ACVR2A: variants seen among roughly 807,000 people sequenced by gnomAD.
ACVR2A encodes the protein activin A receptor type 2A.
In ACVR2A, 7 loss-of-function variants were observed where a neutral mutation model predicts 61.4. That is an observed-to-expected ratio of 0.11 (90% CI 0.06 to 0.21). ACVR2A has a LOEUF of 0.21. Among genes scored for constraint, ACVR2A ranks in the 10% least tolerant of loss-of-function variants. ACVR2A has a pLI of 1.00. For synonymous variants in ACVR2A, 193 were observed against 208.3 expected (o/e 0.93, Z 0.63); for missense variants, 322 against 621.7 (o/e 0.52, Z 5.13).
chr2:147,925,001 CT>C (rs1687469084), intron 9 of ACVR2A, among the ~76,000 whole-genome samples: 1 of 151,954 alleles, frequency 6.6e-6, no homozygotes, highest in Non-Finnish European at 1.5e-5. Context: ...TAGATGACCC[CT>C]TTATGATTCA....
intron 1 of ACVR2A, among the ~76,000 whole-genome samples, chr2:147,865,015 T>G (rs1573918365): frequency 6.7e-6 from 1 of 149,570 alleles, no homozygotes; most frequent in South Asian, 2.1e-4. Flanking sequence ...CCAAGTGACT[T>G]TTTTTTTTTG....
In ACVR2A at chr2:147,928,555, A is replaced by G. The variant is rs891391137; in HGVS notation, c.*1281A>G. On this transcript the variant is annotated 3_prime_UTR_variant, in exon 11 of 11. Coordinates refer to ENST00000241416, the MANE Select transcript of ACVR2A (RefSeq NM_001616.5). ...AGATGTTACTGCTTTAAAACAAATC[A>G]GGGATAACAAATTAAACGTATAACT... 1 of 152,404 alleles carries G rather than the reference A, an allele frequency of 6.6e-6. No individual in the cohort carries two copies. Among genetic ancestry groups the G allele is most frequent in the African/African-American group, 2.4e-5 (1 of 41,504 alleles). The allele number at this position is 152,404 out of a possible 1,614,324, so 9.4% of individuals were successfully genotyped here. A position where few individuals can be genotyped will look rare whatever the true frequency, so the allele number is the denominator to read the frequency against.
At chr2:147,853,392 G>A (rs980375485) in intron 1 of ACVR2A, among the ~76,000 whole-genome samples, 1 of 151,980 alleles carries the variant, frequency 6.6e-6, no homozygotes, top group Non-Finnish European at 1.5e-5. Context: ...TACTCATACT[G>A]GTCATCCAGA....
At chr2:147,870,904 TTTAA>T (rs146895772) in intron 1 of ACVR2A, among the ~76,000 whole-genome samples, 5,142 of 152,254 alleles carry the variant, frequency 0.034, 117 homozygotes, top group Middle Eastern at 0.088. Flanking sequence ...TGAAGCCTTT[TTTAA>T]TTAATCTTTT....
Position 147,930,192 on chromosome 2 carries a change from G to A in ACVR2A, c.*2918G>A, listed in dbSNP as rs1014450936. On this transcript the variant is annotated 3_prime_UTR_variant, in exon 11 of 11. Coordinates refer to ENST00000241416, the MANE Select transcript of ACVR2A (RefSeq NM_001616.5). ...ATCAGGAAAAAACCCAACACCTTTGGAATTTAAAATAGAATCATATCATGA... is the reference window on the plus strand; with the variant it reads ...ATCAGGAAAAAACCCAACACCTTTGAAATTTAAAATAGAATCATATCATGA... The A allele has an allele frequency of 1.3e-5, 2 of 152,188 alleles. No individual in the cohort carries two copies. The highest frequency in any genetic ancestry group is 4.8e-5 in the African/African-American group (2 of 41,318). The allele number at this position is 152,188 out of a possible 1,614,324, so 9.4% of individuals were successfully genotyped here. A position where few individuals can be genotyped will look rare whatever the true frequency, so the allele number is the denominator to read the frequency against.
At chr2:147,855,024 G>A (rs1685534359) in intron 1 of ACVR2A, among the ~76,000 whole-genome samples, 1 of 152,054 alleles carries the variant, frequency 6.6e-6, no homozygotes. Context: ...GGGACTACAG[G>A]CATGCGCCAC....
rs1312707585 is a variant in ACVR2A, at chr2:147,899,471, GA to G, written c.285del (p.Asp96ThrfsTer54). The G allele has an allele frequency of 1.9e-6, 3 of 1,609,108 alleles. No individual in the cohort carries two copies. The highest frequency in any genetic ancestry group is 2.2e-5 in the South Asian group (2 of 90,222). ...INCYDRTDCV[E>X]KKDSPEVYFC... ...GCTTATTTATAGGACTGATTGTGTA[GA>G]AAAAAAAGACAGCCCTGAAGTATAT... On this transcript the variant is annotated frameshift_variant, in exon 3 of 11. Coordinates refer to ENST00000241416, the MANE Select transcript of ACVR2A (RefSeq NM_001616.5). LOFTEE classifies it high-confidence loss of function.
chr2:147,910,525 G>C (rs1374407417), intron 4 of ACVR2A, among the ~76,000 whole-genome samples: 1 of 152,052 alleles, frequency 6.6e-6, no homozygotes, highest in African/African-American at 2.4e-5. Flanking sequence ...AGAAAATCTA[G>C]AAGGAAGAAA....
chr2:147,870,526 G>T (rs1271422538), intron 1 of ACVR2A, among the ~76,000 whole-genome samples: 1 of 152,126 alleles, frequency 6.6e-6, no homozygotes, highest in Non-Finnish European at 1.5e-5. Flanking sequence ...GGGCTGCCCG[G>T]TATGGAGTTG....
At chr2:147,894,353 C>CT (rs1686672095) in intron 1 of ACVR2A, among the ~76,000 whole-genome samples, 1 of 151,972 alleles carries the variant, frequency 6.6e-6, no homozygotes, top group Non-Finnish European at 1.5e-5. Context: ...TTCCAGTTTC[C>CT]TTGTTTTTCA....
intron 1 of ACVR2A, among the ~76,000 whole-genome samples, chr2:147,892,061 T>A (rs999911623): frequency 2.0e-5 from 3 of 151,590 alleles, no homozygotes; most frequent in African/African-American, 7.3e-5. Context: ...AACCTCCACC[T>A]CCTGGGTTCA....
chr2:147,899,732 C>T lies in ACVR2A; in HGVS notation c.374-12C>T. The T allele has an allele frequency of 6.2e-7, 1 of 1,611,042 alleles. No individual in the cohort carries two copies. The highest frequency in any genetic ancestry group is 8.5e-7 in the Non-Finnish European group (1 of 1,178,400). Reference sequence around the variant, plus strand: ...ACCAAATCTGAGTTATTTTTCCCCCCCTTTTCCACAGCCACTTCAAATCCA... The same window carrying T: ...ACCAAATCTGAGTTATTTTTCCCCCTCTTTTCCACAGCCACTTCAAATCCA... On this transcript the variant is annotated splice_polypyrimidine_tract_variant and intron_variant, in intron 3 of 10. Coordinates refer to ENST00000241416, the MANE Select transcript of ACVR2A (RefSeq NM_001616.5).
Position 147,929,394 on chromosome 2 carries a change from A to G in ACVR2A, c.*2120A>G, listed in dbSNP as rs1274060520. ...TTTTAAAAGTTAAACAAAAATAAAC[A>G]AGGGATATTATGATGAATGTTTGGC... is the stretch of plus-strand genomic sequence containing the variant. On this transcript the variant is annotated 3_prime_UTR_variant, in exon 11 of 11. Transcript: ENST00000241416. 6.6e-6 allele frequency: 1 copy of G among 152,030 alleles called. No homozygotes were observed. The allele number at this position is 152,030 out of a possible 1,614,324, so 9.4% of individuals were successfully genotyped here. A position where few individuals can be genotyped will look rare whatever the true frequency, so the allele number is the denominator to read the frequency against.
chr2:147,899,034 C>T (rs1427489243), intron 2 of ACVR2A, among the ~76,000 whole-genome samples: 1 of 152,026 alleles, frequency 6.6e-6, no homozygotes, highest in Non-Finnish European at 1.5e-5. Context: ...CACACATACA[C>T]AGTTTTATAT....
At chr2:147,876,896 A>G (rs1686170402) in intron 1 of ACVR2A, among the ~76,000 whole-genome samples, 1 of 152,104 alleles carries the variant, frequency 6.6e-6, no homozygotes, top group African/African-American at 2.4e-5. Context: ...TGTCCTTTCA[A>G]CTACATTTTG....
At chr2:147,901,288 T>C (rs1686866861) in intron 4 of ACVR2A, among the ~76,000 whole-genome samples, 1 of 151,986 alleles carries the variant, frequency 6.6e-6, no homozygotes, top group African/African-American at 2.4e-5. Flanking sequence ...GTTTACCAGA[T>C]CTGTGATATG....
intron 4 of ACVR2A, among the ~76,000 whole-genome samples, chr2:147,914,452 G>A (rs971503070): frequency 6.6e-6 from 1 of 151,886 alleles, no homozygotes; most frequent in Admixed American, 6.6e-5. Context: ...AGCAGTGCAC[G>A]TTTCTTTCAT....
chr2:147,896,706 T>A (rs1028604576), intron 2 of ACVR2A, 198 bp downstream of exon 2: 20 of 539,586 alleles, frequency 3.7e-5, no homozygotes, highest in African/African-American at 3.6e-4. Context: ...ATATGTTTTA[T>A]CTTTGATATA....
intron 4 of ACVR2A, among the ~76,000 whole-genome samples, chr2:147,906,375 C>T (rs958994187): frequency 2.6e-5 from 4 of 152,128 alleles, no homozygotes; most frequent in African/African-American, 7.2e-5. Flanking sequence ...ACAGTACTTG[C>T]TTCACCTTCT....
Sources: gnomAD v4.1 joint callset for allele counts (sites outside exome capture counted in the v4.1 genomes callset) on GRCh38, gnomAD v4.1.1 for gene constraint, MANE v1.5 for transcripts, NCBI Gene and HGNC (gene_info 2026-07-23, HGNC 2026-07-21) for gene names.